The following CSMD3 variants were observed in gnomAD, a reference collection of about 807,000 sequenced individuals.
CSMD3 encodes the protein CUB and Sushi multiple domains 3.
A neutral mutation model predicts 435.2 loss-of-function variants in CSMD3; 177 were observed. That is an observed-to-expected ratio of 0.41 (90% CI 0.36 to 0.46). CSMD3 has a LOEUF of 0.46. CSMD3 is among the 20% of genes least tolerant of loss of function. The pLI is 0.34. For missense variants in CSMD3, 4,265 were observed against 4,504.6 expected (o/e 0.95, Z 1.52); for synonymous variants, 1,656 against 1,520.5 (o/e 1.09, Z -2.07).
At chr8:112,598,109 C>T (rs991442106) in intron 22 of CSMD3, among the ~76,000 whole-genome samples, 11 of 147,536 alleles carry the variant, frequency 7.5e-5, no homozygotes, top group African/African-American at 2.8e-4. Context: ...GATTGTATAT[C>T]TAGAAAACCC....
At chr8:113,112,995 T>A (rs1181824989) in intron 4 of CSMD3, among the ~76,000 whole-genome samples, 1 of 152,164 alleles carries the variant, frequency 6.6e-6, no homozygotes, top group Non-Finnish European at 1.5e-5. Flanking sequence ...AAAGGCCTAT[T>A]TATCCCCGCA....
intron 1 of CSMD3, among the ~76,000 whole-genome samples, chr8:113,431,563 C>A (rs930129590): frequency 1.3e-5 from 2 of 152,150 alleles, no homozygotes; most frequent in African/African-American, 4.8e-5. Context: ...TATTTTATAT[C>A]CTTAAGCCAT....
At position 112,289,404 on chromosome 8, in the gene CSMD3, A is replaced by G. The variant is rs529668952; in HGVS notation, c.9109T>C (p.Leu3037=). The G allele has an allele frequency of 5.0e-6, 8 of 1,613,376 alleles. No individual in the cohort carries two copies. The highest frequency in any genetic ancestry group is 2.2e-5 in the East Asian group (1 of 44,842). Residue 3037 remains leucine (L), a synonymous_variant, in exon 57 of 71, where the codon TTG becomes CTG. Coordinates refer to ENST00000297405, the MANE Select transcript of CSMD3 (RefSeq NM_198123.2). ...LLGQSSRTCQ[L]NGHWSGSQPH... is the part of the protein sequence containing the mutation. ...TGTGATCCACTCCAATGGCCATTCA[A>G]TTGGCAGGTTCTTGATGACTGGCCT...
intron 36 of CSMD3, among the ~76,000 whole-genome samples, chr8:112,386,337 G>A (rs1033995661): frequency 6.6e-5 from 10 of 152,102 alleles, no homozygotes; most frequent in Non-Finnish European, 1.5e-4. Context: ...ACTGGGATTC[G>A]AGGTACATTG....
chr8:112,224,780 T>G lies in CSMD3; in HGVS notation c.11115A>C (p.Thr3705=). Reference sequence around the variant, plus strand: ...GGCAAAGGTTGCCTCGTTATACCATTGTGCAAACCGTGTTCAAGTTGGGAT... The same window carrying G: ...GGCAAAGGTTGCCTCGTTATACCATGGTGCAAACCGTGTTCAAGTTGGGAT... The part of the protein sequence containing the change: ...RFDPNLNTVC[T]MV The change falls in exon 71 of 71, where the codon ACA becomes ACC. Residue 3705 remains threonine (T), a synonymous_variant. Transcript: ENST00000297405. 1 of 1,614,072 alleles carries G rather than the reference T, an allele frequency of 6.2e-7. No homozygotes were observed. The highest frequency in any genetic ancestry group is 8.5e-7 in the Non-Finnish European group (1 of 1,179,900).
chr8:112,448,505 T>C (rs1032836354), intron 32 of CSMD3, among the ~76,000 whole-genome samples: 3 of 152,074 alleles, frequency 2.0e-5, no homozygotes, highest in African/African-American at 7.2e-5. Context: ...ATTAAAGTGA[T>C]ACAGCTACAA....
At chr8:113,164,664 T>C (rs1022177708) in intron 4 of CSMD3, among the ~76,000 whole-genome samples, 2 of 151,992 alleles carry the variant, frequency 1.3e-5, no homozygotes, top group African/African-American at 4.8e-5. Context: ...TTAAATTCTG[T>C]TCTCTATTAT....
chr8:112,936,561 C>G (rs1363558197), intron 9 of CSMD3, among the ~76,000 whole-genome samples: 1 of 151,982 alleles, frequency 6.6e-6, no homozygotes, highest in African/African-American at 2.4e-5. Flanking sequence ...AATCGTGACA[C>G]TAGAAGGAAG....
intron 32 of CSMD3, among the ~76,000 whole-genome samples, chr8:112,439,204 G>A (rs57762385): frequency 0.018 from 2,668 of 152,138 alleles, 81 homozygotes; most frequent in African/African-American, 0.061. Flanking sequence ...GCAGTGGCAC[G>A]ATCTCATCTC....
chr8:112,876,315 C>T (rs139672092), intron 10 of CSMD3, among the ~76,000 whole-genome samples: 3,012 of 152,188 alleles, frequency 0.02, 98 homozygotes, highest in African/African-American at 0.068. Flanking sequence ...GAGACTCCTC[C>T]CTAACTCATT....
In CSMD3 at chr8:112,910,877, C is replaced by T. The variant is rs561558215; in HGVS notation, c.1633+10750G>A. Among the ~76,000 whole-genome samples the T allele has an allele frequency of 2.0e-5, 3 of 151,970 alleles. No homozygotes were observed. In the Admixed American group the frequency reaches 2.0e-4, roughly 10 times the overall value. ...ACGATTTTACCCAGGTCACTGGTGG[C>T]CTCTTGGTTGTTGAATTTAATTTAT... On this transcript the variant is annotated intron_variant, in intron 10 of 70. Transcript: ENST00000297405.
chr8:112,372,973 AT>A (rs1361872918), intron 38 of CSMD3, among the ~76,000 whole-genome samples: 6 of 58,378 alleles, frequency 1.0e-4, no homozygotes, highest in Non-Finnish European at 2.7e-4. Context: ...CAGAAAAAAT[AT>A]ATATATATAT....
At chr8:112,474,384 A>G (rs898216481) in intron 31 of CSMD3, among the ~76,000 whole-genome samples, 3 of 152,172 alleles carry the variant, frequency 2.0e-5, no homozygotes, top group Admixed American at 2.0e-4. Context: ...AACAAGAATT[A>G]TGACTATAAA....
At chr8:112,525,439 G>A (rs991831890) in intron 27 of CSMD3, among the ~76,000 whole-genome samples, 1 of 150,046 alleles carries the variant, frequency 6.7e-6, no homozygotes, top group Admixed American at 6.6e-5. Context: ...ACTATCAAAA[G>A]GCCGGGAGCA....
At chr8:112,804,905 T>C (rs1314472602) in intron 12 of CSMD3, among the ~76,000 whole-genome samples, 3 of 152,030 alleles carry the variant, frequency 2.0e-5, no homozygotes, top group Non-Finnish European at 2.9e-5. Flanking sequence ...CCTCGTGATC[T>C]GCCCGCCTCA....
At chr8:113,006,838 C>G (rs1341113054) in intron 6 of CSMD3, among the ~76,000 whole-genome samples, 1 of 151,856 alleles carries the variant, frequency 6.6e-6, no homozygotes, top group African/African-American at 2.4e-5. Context: ...ATGCATCCAT[C>G]TGGAATAAGG....
intron 3 of CSMD3, among the ~76,000 whole-genome samples, chr8:113,275,379 G>A (rs1189762289): frequency 6.6e-6 from 1 of 152,012 alleles, no homozygotes; most frequent in Admixed American, 6.6e-5. Flanking sequence ...AATCTCAGTA[G>A]GCATAAGAAT....
At chr8:113,000,689 T>G (rs2131067430) in intron 6 of CSMD3, among the ~76,000 whole-genome samples, 1 of 152,186 alleles carries the variant, frequency 6.6e-6, no homozygotes. Context: ...TTCTCAGTGC[T>G]TAATCTTTGG....
intron 38 of CSMD3, among the ~76,000 whole-genome samples, chr8:112,378,966 A>T (rs1430481190): frequency 5.3e-5 from 8 of 151,976 alleles, no homozygotes; most frequent in Admixed American, 4.6e-4. Context: ...AGATTCCATT[A>T]AAAAAAACTG....
Sources: allele counts gnomAD v4.1 joint callset (sites outside exome capture counted in the v4.1 genomes callset), GRCh38; gene constraint gnomAD v4.1.1; transcripts MANE v1.5; gene names NCBI Gene and HGNC (gene_info 2026-07-23, HGNC 2026-07-21).